LUZP2: variants seen among roughly 807,000 people sequenced by gnomAD.
LUZP2 encodes the protein leucine zipper protein 2.
A neutral mutation model predicts 51.6 loss-of-function variants in LUZP2; 52 were observed. That is an observed-to-expected ratio of 1.01 (90% confidence interval 0.81 to 1.27). The LOEUF (loss-of-function observed/expected upper bound fraction) is 1.27, where lower values mean the gene tolerates loss of function less well. LUZP2 is among the 50% of genes most tolerant of loss of function. The probability of loss-of-function intolerance (pLI) is 0.00; values close to 1 mark genes in which losing one functional copy is unlikely to be tolerated. For missense variants in LUZP2, 436 were observed against 395.4 expected (o/e 1.10, Z -0.87); for synonymous variants, 154 against 137.3 (o/e 1.12, Z -0.85).
chr11:24,836,505 G>A (rs954209943), intron 5 of LUZP2, among the ~76,000 whole-genome samples: 9 of 151,796 alleles, frequency 5.9e-5, no homozygotes, highest in African/African-American at 2.2e-4. Context: ...AGACACATTT[G>A]GTTTATAACA....
chr11:24,942,059 T>C (rs1180093539), intron 7 of LUZP2, among the ~76,000 whole-genome samples: 1 of 152,198 alleles, frequency 6.6e-6, no homozygotes, highest in East Asian at 1.9e-4. Flanking sequence ...TTTCCCTTTT[T>C]AATGCTAATT....
intron 7 of LUZP2, among the ~76,000 whole-genome samples, chr11:24,926,327 GTATATATATATACGTGTGTA>G (rs1565119123): frequency 9.6e-4 from 34 of 35,508 alleles, no homozygotes; most frequent in African/African-American, 3.1e-3. Context: ...ATACGTGTGT[GTATATATATATACGTGTGTA>G]TATATATACG....
chr11:24,921,691 A>T (rs1382624726), intron 7 of LUZP2, among the ~76,000 whole-genome samples: 1 of 152,156 alleles, frequency 6.6e-6, no homozygotes. Context: ...TATTAGTATT[A>T]TATGCAATCT....
intron 10 of LUZP2, among the ~76,000 whole-genome samples, chr11:25,058,119 G>A (rs1329890377): frequency 1.3e-5 from 2 of 151,858 alleles, no homozygotes; most frequent in Non-Finnish European, 2.9e-5. Flanking sequence ...CATCTGAAGA[G>A]GTTGGCTTCA....
chr11:24,897,348 C>G (rs117323855), intron 5 of LUZP2, among the ~76,000 whole-genome samples: 21 of 152,160 alleles, frequency 1.4e-4, no homozygotes, highest in Admixed American at 2.6e-4. Flanking sequence ...TGTTGTTTTG[C>G]TCTTTGCAAT....
chr11:24,866,074 G>T (rs112750516), intron 5 of LUZP2, among the ~76,000 whole-genome samples: 23,783 of 150,768 alleles, frequency 0.16, 2,057 homozygotes, highest in African/African-American at 0.22. Context: ...CTCCCAAAGT[G>T]CTGAGATTAC....
intron 5 of LUZP2, among the ~76,000 whole-genome samples, chr11:24,837,883 A>G (rs1255875143): frequency 6.6e-6 from 1 of 151,648 alleles, no homozygotes; most frequent in Non-Finnish European, 1.5e-5. Context: ...GATCTTCACA[A>G]TACTCTTGTG....
intron 9 of LUZP2, among the ~76,000 whole-genome samples, chr11:24,989,683 G>A (rs142418439): frequency 1.3e-5 from 2 of 152,088 alleles, no homozygotes; most frequent in East Asian, 3.9e-4. Flanking sequence ...TGAACAACTG[G>A]GATACGGTGA....
chr11:24,949,948 C>G (rs1356228905), intron 7 of LUZP2, among the ~76,000 whole-genome samples: 2 of 142,914 alleles, frequency 1.4e-5, no homozygotes, highest in Non-Finnish European at 3.0e-5. Context: ...CTCCCCCCGC[C>G]CTTTTTCTTT....
intron 9 of LUZP2, among the ~76,000 whole-genome samples, chr11:25,047,319 A>G (rs12795559): frequency 2.3e-5 from 1 of 43,208 alleles, no homozygotes; most frequent in East Asian, 3.1e-4. Context: ...TGTTAAGAAT[A>G]GTATTGTTTT....
chr11:24,693,756 C>T (rs577350892), intron 1 of LUZP2, among the ~76,000 whole-genome samples: 1 of 151,882 alleles, frequency 6.6e-6, no homozygotes, highest in African/African-American at 2.4e-5. Flanking sequence ...GTACATTATG[C>T]CTGTAAAATG....
intron 5 of LUZP2, among the ~76,000 whole-genome samples, chr11:24,818,486 G>A (rs943190035): frequency 7.2e-5 from 11 of 151,946 alleles, no homozygotes; most frequent in African/African-American, 2.2e-4. Context: ...GAAGCACGGC[G>A]GGGCTGCAAT....
chr11:24,723,039 C>A (rs1287413546), intron 1 of LUZP2, among the ~76,000 whole-genome samples: 1 of 151,910 alleles, frequency 6.6e-6, no homozygotes, highest in Non-Finnish European at 1.5e-5. Context: ...AAATCAATAA[C>A]AAGCAATGGG....
intron 1 of LUZP2, among the ~76,000 whole-genome samples, chr11:24,514,990 G>A (rs1564962833): frequency 1.3e-5 from 2 of 152,142 alleles, no homozygotes; most frequent in African/African-American, 2.4e-5. Context: ...AAAGGGTGTG[G>A]TGAACAATCG....
At chr11:24,943,070 T>G (rs942002964) in intron 7 of LUZP2, among the ~76,000 whole-genome samples, 4 of 152,196 alleles carry the variant, frequency 2.6e-5, no homozygotes, top group African/African-American at 9.6e-5. Flanking sequence ...GATTTCTGCA[T>G]GAGAAGTCCA....
At chr11:24,538,141 A>G (rs2133839592) in intron 1 of LUZP2, among the ~76,000 whole-genome samples, 1 of 152,042 alleles carries the variant, frequency 6.6e-6, no homozygotes, top group South Asian at 2.1e-4. Context: ...AATCACATTT[A>G]TAAATATATA....
At chr11:24,681,939 C>T (rs182628283) in intron 1 of LUZP2, among the ~76,000 whole-genome samples, 3 of 152,296 alleles carry the variant, frequency 2.0e-5, no homozygotes, top group East Asian at 3.9e-4. Context: ...AAAACATCTA[C>T]ATGCATGCAG....
chr11:24,558,034 GC>G (rs1851922211), intron 1 of LUZP2, among the ~76,000 whole-genome samples: 2 of 152,050 alleles, frequency 1.3e-5, no homozygotes, highest in African/African-American at 4.8e-5. Context: ...ATATGGATAG[GC>G]AACATTCAAA....
At chr11:25,068,893 T>G (rs914673398) in intron 10 of LUZP2, among the ~76,000 whole-genome samples, 2 of 151,998 alleles carry the variant, frequency 1.3e-5, no homozygotes, top group Non-Finnish European at 2.9e-5. Context: ...CTTCTGCTTT[T>G]TTGTCCTCAT....
Sources: gnomAD v4.1 joint callset for allele counts (sites outside exome capture counted in the v4.1 genomes callset) on GRCh38, gnomAD v4.1.1 for gene constraint, MANE v1.5 for transcripts, NCBI Gene and HGNC (gene_info 2026-07-23, HGNC 2026-07-21) for gene names.